Variants in BICC1 observed in about 807,000 individuals in gnomAD.
The protein encoded by BICC1 is BicC family RNA binding protein 1.
In BICC1, 43 loss-of-function variants were observed where a neutral mutation model predicts 111.0. The observed-to-expected ratio is 0.39, with a 90% CI of 0.30 to 0.50. The LOEUF (loss-of-function observed/expected upper bound fraction) is 0.50. Among genes scored for constraint, BICC1 ranks in the 20% least tolerant of loss-of-function variants. The probability of loss-of-function intolerance (pLI) is 0.88; values close to 1 mark genes in which losing one functional copy is unlikely to be tolerated. For missense variants in BICC1, 1,091 were observed against 1,203.2 expected, an observed-to-expected ratio of 0.91 and a Z score of 1.38; for synonymous variants, 467 against 434.4, an observed-to-expected ratio of 1.07 and a Z score of -0.93.
chr10:58,570,613 T>C (rs1351552009), intron 1 of BICC1, among the ~76,000 whole-genome samples: 1 of 152,212 alleles, frequency 6.6e-6, no homozygotes, highest in African/African-American at 2.4e-5. Flanking sequence ...TGCTTCTTAC[T>C]TTGGCTTTGT....
Position 58,513,025 on chromosome 10 carries a change from T to C in BICC1, c.-119T>C. 1.4e-6 allele frequency: 1 copy of C among 712,848 alleles called. No individual in the cohort carries two copies. The highest frequency in any genetic ancestry group is 1.9e-6 in the Non-Finnish European group (1 of 536,626). 44.2% of individuals were successfully genotyped at this position (712,848 alleles called of 1,614,324 possible). A position where few individuals can be genotyped will look rare whatever the true frequency, so the allele number is the denominator to read the frequency against. On this transcript the variant is annotated 5_prime_UTR_variant, in exon 1 of 21. Transcript: ENST00000373886. ...CGGCGTTGGCGGTGGCGTCGGCGGC[T>C]GCAGGGGGACGAGCTAGCGCCGCGG...
intron 17 of BICC1, among the ~76,000 whole-genome samples, chr10:58,808,370 G>C (rs1476615081): frequency 6.6e-6 from 1 of 152,096 alleles, no homozygotes; most frequent in Non-Finnish European, 1.5e-5. Context: ...CCTGATGTAC[G>C]GTATGGCTAT....
chr10:58,634,316 A>AT lies in BICC1; in HGVS notation c.237+13417dup, dbSNP rs539963540. On this transcript the variant is annotated intron_variant, in intron 2 of 20. Transcript: ENST00000373886. ...CTAGGGGCAGATTTTCAGTTGAATTATTAACTGGAATTCATGTTCCTGTTC... is the reference window on the plus strand; with the variant it reads ...CTAGGGGCAGATTTTCAGTTGAATTATTTAACTGGAATTCATGTTCCTGTTC... Among the ~76,000 whole-genome samples, 229 of 152,254 alleles carry AT rather than the reference A, an allele frequency of 1.5e-3. 1 individual carries two copies. Among genetic ancestry groups the AT allele is most frequent in the African/African-American group, 5.2e-3 (215 of 41,566 alleles).
chr10:58,552,117 A>G lies in BICC1; in HGVS notation c.190+38784A>G, dbSNP rs577823091. Among the ~76,000 whole-genome samples, 8 of 151,456 alleles carry G rather than the reference A, an allele frequency of 5.3e-5. No homozygotes were observed. The South Asian group carries it at 1.5e-3, about 28-fold the overall frequency. ...AATAGAGTACAAAAATGTAAAAAAA[A>G]CCAGTCTACTGGGTCTGGATGGGAA... On this transcript the variant is annotated intron_variant, in intron 1 of 20. Coordinates refer to ENST00000373886, the MANE Select transcript of BICC1 (RefSeq NM_001080512.3).
chr10:58,707,459 G>A (rs937845890), intron 3 of BICC1, among the ~76,000 whole-genome samples: 5 of 151,878 alleles, frequency 3.3e-5, no homozygotes, highest in South Asian at 2.1e-4. Flanking sequence ...TTAGTGCGTC[G>A]CAGCCAATAG....
At chr10:58,789,572 T>G in intron 7 of BICC1, 110 bp from the exon 8 acceptor site, 1 of 1,518,172 alleles carries the variant, frequency 6.6e-7, no homozygotes, top group South Asian at 1.3e-5. Flanking sequence ...ACATTTTGGT[T>G]TGCAGAATAT....
chr10:58,537,787 T>G (rs1842861214), intron 1 of BICC1, among the ~76,000 whole-genome samples: 1 of 151,690 alleles, frequency 6.6e-6, no homozygotes, highest in African/African-American at 2.4e-5. Flanking sequence ...AAGTCTCAGG[T>G]TACAAAATTA....
At chr10:58,657,005 G>T (rs140009300) in intron 2 of BICC1, among the ~76,000 whole-genome samples, 1 of 152,164 alleles carries the variant, frequency 6.6e-6, no homozygotes, top group African/African-American at 2.4e-5. Flanking sequence ...GATTATTGAG[G>T]CACTTCTACC....
At chr10:58,562,340 A>G (rs1241027274) in intron 1 of BICC1, among the ~76,000 whole-genome samples, 1 of 151,838 alleles carries the variant, frequency 6.6e-6, no homozygotes, top group African/African-American at 2.4e-5. Flanking sequence ...CAAAAGACCC[A>G]TTTTTATCTT....
chr10:58,730,612 G>T (rs1201783751), intron 3 of BICC1, among the ~76,000 whole-genome samples: 1 of 151,974 alleles, frequency 6.6e-6, no homozygotes, highest in Admixed American at 6.6e-5. Context: ...GCAGGCTTCT[G>T]CTTGGACATC....
intron 1 of BICC1, among the ~76,000 whole-genome samples, chr10:58,612,970 G>A (rs1354094399): frequency 6.6e-6 from 1 of 152,098 alleles, no homozygotes; most frequent in African/African-American, 2.4e-5. Context: ...TGGGGGGATT[G>A]TAATAGTTTA....
intron 8 of BICC1, among the ~76,000 whole-genome samples, chr10:58,790,732 G>T (rs1706931331): frequency 6.6e-6 from 1 of 152,186 alleles, no homozygotes; most frequent in Non-Finnish European, 1.5e-5. Context: ...GGCTGAGGGA[G>T]GAGAATTGCT....
chr10:58,817,079 G>A (rs1844117316), intron 18 of BICC1, among the ~76,000 whole-genome samples: 1 of 152,052 alleles, frequency 6.6e-6, no homozygotes. Context: ...TAGGGAGCAG[G>A]ATTTATGTGT....
At chr10:58,527,209 G>A (rs1433508309) in intron 1 of BICC1, among the ~76,000 whole-genome samples, 31 of 152,154 alleles carry the variant, frequency 2.0e-4, no homozygotes, top group South Asian at 6.2e-4. Flanking sequence ...TGTGTTTTTT[G>A]GCTGCATAAA....
chr10:58,655,886 A>G (rs1838627030), intron 2 of BICC1, among the ~76,000 whole-genome samples: 2 of 152,004 alleles, frequency 1.3e-5, no homozygotes, highest in Admixed American at 1.3e-4. Context: ...GAGAGTTTTT[A>G]GCATGAAGGG....
chr10:58,695,781 A>G (rs1242185649), intron 2 of BICC1, among the ~76,000 whole-genome samples: 1 of 152,182 alleles, frequency 6.6e-6, no homozygotes, highest in Non-Finnish European at 1.5e-5. Flanking sequence ...ATTGGTAGAT[A>G]TGTTCTCTTT....
intron 3 of BICC1, among the ~76,000 whole-genome samples, chr10:58,720,013 A>C (rs1840890396): frequency 6.6e-6 from 1 of 152,174 alleles, no homozygotes; most frequent in African/African-American, 2.4e-5. Context: ...TCCCTCTCTT[A>C]TGACTGACAT....
At chr10:58,746,708 A>G (rs544592396) in intron 3 of BICC1, among the ~76,000 whole-genome samples, 3 of 152,280 alleles carry the variant, frequency 2.0e-5, no homozygotes, top group East Asian at 3.9e-4. Flanking sequence ...GCATGAATAC[A>G]GGTATTCATT....
intron 3 of BICC1, among the ~76,000 whole-genome samples, chr10:58,737,041 A>G (rs1053062804): frequency 6.6e-6 from 1 of 152,008 alleles, no homozygotes; most frequent in African/African-American, 2.4e-5. Context: ...TCAACATTTG[A>G]AAAAAAATTT....
Sources: allele counts gnomAD v4.1 joint callset (sites outside exome capture counted in the v4.1 genomes callset), GRCh38; gene constraint gnomAD v4.1.1; transcripts MANE v1.5; gene names NCBI Gene and HGNC (gene_info 2026-07-23, HGNC 2026-07-21).